FAM117B: variants seen among roughly 807,000 people sequenced by gnomAD.
FAM117B encodes the protein family with sequence similarity 117 member B.
In FAM117B, 22 loss-of-function variants were observed where a neutral mutation model predicts 52.8. The observed-to-expected ratio is 0.42, with a 90% CI of 0.30 to 0.59. The LOEUF is 0.59. FAM117B is among the 20% of genes least tolerant of loss of function. The pLI is 0.22. For missense variants in FAM117B, 678 were observed against 802.6 expected (o/e 0.84, Z 1.88); for synonymous variants, 309 against 324.1 (o/e 0.95, Z 0.50).
chr2:202,656,078 C>T (rs536683864), intron 1 of FAM117B, among the ~76,000 whole-genome samples: 41 of 152,206 alleles, frequency 2.7e-4, no homozygotes, highest in African/African-American at 9.4e-4. Flanking sequence ...GGCATCCTTT[C>T]GGTCATTCCT....
chr2:202,659,079 C>G lies in FAM117B; in HGVS notation c.601+23291C>G, dbSNP rs553094887. Among the ~76,000 whole-genome samples the G allele has an allele frequency of 8.6e-5, 13 of 151,830 alleles. No individual in the cohort carries two copies. The South Asian group carries it at 2.7e-3, about 32-fold the overall frequency. On this transcript the variant is annotated intron_variant, in intron 1 of 7. Coordinates refer to ENST00000392238, the MANE Select transcript of FAM117B (RefSeq NM_173511.4). ...TGGAGTGCAGTGGCATGTTCTGGCT[C>G]ACTGCAACCTCTGCCTCCCGGGTTC...
intron 1 of FAM117B, among the ~76,000 whole-genome samples, chr2:202,691,501 TA>T (rs35033554): frequency 0.49 from 73,346 of 150,056 alleles, 18,566 homozygotes; most frequent in East Asian, 0.7. Context: ...GATTTTTAAT[TA>T]AAAAAAAAAA....
intron 4 of FAM117B, among the ~76,000 whole-genome samples, chr2:202,730,901 CT>C (rs948574510): frequency 6.6e-6 from 1 of 152,062 alleles, no homozygotes; most frequent in African/African-American, 2.4e-5. Context: ...ATAAATTGTA[CT>C]TTATCAAAAT....
intron 2 of FAM117B, among the ~76,000 whole-genome samples, chr2:202,719,182 A>G (rs542318438): frequency 2.0e-5 from 3 of 152,370 alleles, no homozygotes; most frequent in Admixed American, 2.0e-4. Context: ...CATATAAGTA[A>G]AACTGATGTT....
chr2:202,720,311 A>G (rs753953561), intron 2 of FAM117B, among the ~76,000 whole-genome samples: 35 of 151,816 alleles, frequency 2.3e-4, no homozygotes, highest in Admixed American at 4.6e-4. Flanking sequence ...CCTTTTTATT[A>G]TGGAAATGTT....
chr2:202,748,202 A>G (rs1054953533), intron 4 of FAM117B, among the ~76,000 whole-genome samples: 2 of 152,192 alleles, frequency 1.3e-5, no homozygotes, highest in Non-Finnish European at 2.9e-5. Flanking sequence ...AACATCTTCA[A>G]TAAATAGTGC....
chr2:202,718,325 A>G (rs1274554002), intron 2 of FAM117B, among the ~76,000 whole-genome samples: 1 of 152,196 alleles, frequency 6.6e-6, no homozygotes, highest in Non-Finnish European at 1.5e-5. Context: ...TCTTCATTGA[A>G]TATGGTGTTA....
chr2:202,716,550 T>C (rs1181151281), intron 2 of FAM117B, among the ~76,000 whole-genome samples: 2 of 152,090 alleles, frequency 1.3e-5, no homozygotes, highest in Admixed American at 6.5e-5. Context: ...TCTGTTGTTG[T>C]ATGTTTTTTG....
At chr2:202,716,380 ATGT>A (rs1275808582) in intron 2 of FAM117B, among the ~76,000 whole-genome samples, 1 of 151,790 alleles carries the variant, frequency 6.6e-6, no homozygotes, top group Non-Finnish European at 1.5e-5. Flanking sequence ...TTTTCATTCA[ATGT>A]TGTTATTGAT....
chr2:202,648,868 T>C (rs1224438327), intron 1 of FAM117B, among the ~76,000 whole-genome samples: 1 of 152,028 alleles, frequency 6.6e-6, no homozygotes, highest in Non-Finnish European at 1.5e-5. Flanking sequence ...TTCAGGCGAT[T>C]CTCCTGCCTC....
intron 4 of FAM117B, among the ~76,000 whole-genome samples, chr2:202,740,454 T>A (rs570540619): frequency 1.3e-5 from 2 of 152,190 alleles, no homozygotes; most frequent in African/African-American, 4.8e-5. Flanking sequence ...ATATAGTTAT[T>A]GAATTCTAGA....
At chr2:202,671,986 G>T (rs1481449650) in intron 1 of FAM117B, among the ~76,000 whole-genome samples, 2 of 152,106 alleles carry the variant, frequency 1.3e-5, no homozygotes, top group African/African-American at 4.8e-5. Context: ...CATGGAGAAA[G>T]TACATCAGCT....
At chr2:202,705,133 C>T (rs2105780138) in intron 2 of FAM117B, among the ~76,000 whole-genome samples, 1 of 151,910 alleles carries the variant, frequency 6.6e-6, no homozygotes, top group East Asian at 2.0e-4. Flanking sequence ...ATGGAGAAAC[C>T]CCATCTCTAC....
At chr2:202,760,055 T>G (rs531082406) in intron 7 of FAM117B, among the ~76,000 whole-genome samples, 3 of 152,350 alleles carry the variant, frequency 2.0e-5, no homozygotes, top group African/African-American at 7.2e-5. Context: ...CACTCATATA[T>G]CTACAACTCA....
chr2:202,745,244 C>T (rs752741385), intron 4 of FAM117B, among the ~76,000 whole-genome samples: 73 of 151,002 alleles, frequency 4.8e-4, no homozygotes, highest in Non-Finnish European at 8.7e-4. Flanking sequence ...TGTGTCACTG[C>T]ACTCCATCTT....
chr2:202,679,406 G>A (rs13427391), intron 1 of FAM117B, among the ~76,000 whole-genome samples: 13,667 of 152,168 alleles, frequency 0.09, 2,069 homozygotes, highest in African/African-American at 0.31. Context: ...AGGGAACTGT[G>A]TAGAAAAAGA....
intron 1 of FAM117B, among the ~76,000 whole-genome samples, chr2:202,658,016 G>GA (rs2105759924): frequency 6.6e-6 from 1 of 152,040 alleles, no homozygotes; most frequent in Non-Finnish European, 1.5e-5. Context: ...TGTTTCTTTA[G>GA]CCTCTTTACA....
At chr2:202,642,940 C>T (rs35202091) in intron 1 of FAM117B, among the ~76,000 whole-genome samples, 34,073 of 151,836 alleles carry the variant, frequency 0.22, 4,547 homozygotes, top group Middle Eastern at 0.3. Context: ...TTGAGAAAGC[C>T]GAAAAGAAAG....
intron 1 of FAM117B, among the ~76,000 whole-genome samples, chr2:202,656,604 G>T (rs529401014): frequency 6.6e-6 from 1 of 152,176 alleles, no homozygotes; most frequent in East Asian, 1.9e-4. Context: ...AATTTGTTGA[G>T]GTTTATGTCC....
Sources: gnomAD v4.1 joint callset for allele counts (sites outside exome capture counted in the v4.1 genomes callset) on GRCh38, gnomAD v4.1.1 for gene constraint, MANE v1.5 for transcripts, NCBI Gene and HGNC (gene_info 2026-07-23, HGNC 2026-07-21) for gene names.